Variants in ADGRL3 observed in about 807,000 individuals in gnomAD.
ADGRL3 encodes the protein adhesion G protein-coupled receptor L3.
In ADGRL3, 62 loss-of-function variants were observed where a neutral mutation model predicts 153.5. That is an observed-to-expected ratio of 0.40 (90% CI 0.33 to 0.50). ADGRL3 has a LOEUF of 0.50. Among genes scored for constraint, ADGRL3 ranks in the 20% least tolerant of loss-of-function variants. ADGRL3 has a pLI of 0.47. For missense variants in ADGRL3, 1,641 were observed against 1,859.4 expected (o/e 0.88, Z 2.16); for synonymous variants, 710 against 672.5 (o/e 1.06, Z -0.86).
intron 9 of ADGRL3, among the ~76,000 whole-genome samples, chr4:61,847,509 C>A (rs534450301): frequency 6.2e-4 from 87 of 141,022 alleles, no homozygotes; most frequent in African/African-American, 2.2e-3. Context: ...TGTGAAGAAT[C>A]CTTAAACTTT....
At chr4:61,239,128 C>A (rs770405123) in intron 1 of ADGRL3, among the ~76,000 whole-genome samples, 15 of 152,006 alleles carry the variant, frequency 9.9e-5, no homozygotes, top group Non-Finnish European at 1.9e-4. Context: ...CAAGCACTGG[C>A]TGTTTTAATT....
chr4:61,238,790 A>C (rs897656481), intron 1 of ADGRL3, among the ~76,000 whole-genome samples: 2 of 152,142 alleles, frequency 1.3e-5, no homozygotes, highest in African/African-American at 4.8e-5. Flanking sequence ...CGTGGTGTCC[A>C]TTAAATAATG....
intron 4 of ADGRL3, among the ~76,000 whole-genome samples, chr4:61,523,953 T>C (rs765376749): frequency 5.9e-5 from 9 of 152,120 alleles, no homozygotes; most frequent in Non-Finnish European, 8.8e-5. Context: ...CACTTAGTGC[T>C]CAAAACATTT....
intron 5 of ADGRL3, among the ~76,000 whole-genome samples, chr4:61,670,033 TGCCTGTAATCCCA>T (rs1383946930): frequency 4.6e-5 from 7 of 152,190 alleles, no homozygotes; most frequent in African/African-American, 7.2e-5. Flanking sequence ...CGGTGGCTCA[TGCCTGTAATCCCA>T]GCACTCTGGG....
At chr4:62,034,317 C>G (rs1203049121) in intron 23 of ADGRL3, among the ~76,000 whole-genome samples, 1 of 151,660 alleles carries the variant, frequency 6.6e-6, no homozygotes, top group Non-Finnish European at 1.5e-5. Context: ...AGTCAAAAAA[C>G]TTAAAATTTT....
chr4:61,996,418 A>C, intron 20 of ADGRL3, 61 bp downstream of exon 20: 1 of 1,126,730 alleles, frequency 8.9e-7, no homozygotes, highest in Non-Finnish European at 1.3e-6. Flanking sequence ...TCACTATCCC[A>C]GTACTGACTG....
At chr4:61,302,040 G>A (rs189885642) in intron 1 of ADGRL3, among the ~76,000 whole-genome samples, 1 of 152,206 alleles carries the variant, frequency 6.6e-6, no homozygotes, top group East Asian at 1.9e-4. Context: ...ATAATACAAA[G>A]TTTGTATTAT....
At chr4:61,228,144 G>GT (rs1748815845) in intron 1 of ADGRL3, among the ~76,000 whole-genome samples, 1 of 152,018 alleles carries the variant, frequency 6.6e-6, no homozygotes. Flanking sequence ...ATTCATAGCT[G>GT]TAACTATGTA....
chr4:61,807,769 T>C (rs1195931571), intron 8 of ADGRL3, among the ~76,000 whole-genome samples: 1 of 152,160 alleles, frequency 6.6e-6, no homozygotes, highest in Non-Finnish European at 1.5e-5. Flanking sequence ...ACAGATGAAA[T>C]TATATGTCCT....
chr4:61,944,919 G>A (rs1447058660), intron 15 of ADGRL3, among the ~76,000 whole-genome samples: 1 of 86,008 alleles, frequency 1.2e-5, no homozygotes, highest in Non-Finnish European at 2.1e-5. Context: ...ATCGTCTGAA[G>A]CCTTCTTCTC....
chr4:61,774,847 A>G (rs2097129232), intron 8 of ADGRL3, among the ~76,000 whole-genome samples: 2 of 152,120 alleles, frequency 1.3e-5, no homozygotes, highest in African/African-American at 4.8e-5. Flanking sequence ...ATTTGCTGCT[A>G]TCGGTTGTTT....
At chr4:61,852,404 T>C (rs2098216389) in intron 9 of ADGRL3, among the ~76,000 whole-genome samples, 3 of 152,148 alleles carry the variant, frequency 2.0e-5, no homozygotes, top group Admixed American at 1.3e-4. Context: ...AACCTCTGCT[T>C]CCTGGGCTCA....
intron 9 of ADGRL3, among the ~76,000 whole-genome samples, chr4:61,873,661 C>T (rs753655002): frequency 5.3e-5 from 8 of 152,084 alleles, no homozygotes; most frequent in Non-Finnish European, 1.0e-4. Context: ...TTTAAAAGAT[C>T]CTAAGACCAT....
chr4:61,520,745 G>A (rs1011096293), intron 4 of ADGRL3, among the ~76,000 whole-genome samples: 1 of 150,032 alleles, frequency 6.7e-6, no homozygotes, highest in Non-Finnish European at 1.5e-5. Flanking sequence ...TTAAGAATGT[G>A]TCATAGTATG....
intron 9 of ADGRL3, among the ~76,000 whole-genome samples, chr4:61,886,627 T>TGTTTGTTC (rs539207655): frequency 0.015 from 713 of 48,366 alleles, 1 homozygote; most frequent in African/African-American, 0.048. Context: ...AGACTACATT[T>TGTTTGTTC]GTTTGTTTGT....
intron 3 of ADGRL3, among the ~76,000 whole-genome samples, chr4:61,514,457 A>G (rs1462605977): frequency 6.6e-6 from 1 of 152,226 alleles, no homozygotes; most frequent in Non-Finnish European, 1.5e-5. Context: ...TATATTTATA[A>G]TTCAAATAAA....
chr4:61,458,481 G>A (rs1401734250), intron 2 of ADGRL3, among the ~76,000 whole-genome samples: 1 of 150,982 alleles, frequency 6.6e-6, no homozygotes, highest in African/African-American at 2.4e-5. Flanking sequence ...TTATATATAT[G>A]GTTTAGAAAT....
intron 5 of ADGRL3, among the ~76,000 whole-genome samples, chr4:61,666,532 C>T (rs1224686646): frequency 9.0e-6 from 1 of 111,700 alleles, no homozygotes; most frequent in African/African-American, 3.5e-5. Context: ...TGAATTAAAT[C>T]TGTCCCAGAT....
intron 10 of ADGRL3, 136 bp downstream of exon 10, chr4:61,893,094 TCC>T (rs1270940543): frequency 7.2e-4 from 279 of 388,786 alleles, no homozygotes; most frequent in South Asian, 1.1e-3. Context: ...TCTTTCTTTC[TCC>T]TTCCTTCCTT....
Sources: gnomAD v4.1 joint callset for allele counts (sites outside exome capture counted in the v4.1 genomes callset) on GRCh38, gnomAD v4.1.1 for gene constraint, MANE v1.5 for transcripts, NCBI Gene and HGNC (gene_info 2026-07-23, HGNC 2026-07-21) for gene names.